Variants in RGS7 observed in about 807,000 individuals in gnomAD.
RGS7 encodes the protein regulator of G protein signaling 7, also known as regulator of G-protein signaling 7.
In RGS7, 27 loss-of-function variants were observed where a neutral mutation model predicts 81.1. The ratio of observed to expected loss-of-function variants is 0.33; its 90% CI spans 0.25 to 0.46. The LOEUF (loss-of-function observed/expected upper bound fraction) is 0.46, where lower values mean the gene tolerates loss of function less well. RGS7 is among the 20% of genes least tolerant of loss of function. The pLI is 1.00. For synonymous variants in RGS7, 208 were observed against 207.7 expected (o/e 1.00, Z -0.01); for missense variants, 396 against 607.4 (o/e 0.65, Z 3.66).
chr1:240,910,573 T>G (rs1671581515), intron 6 of RGS7, among the ~76,000 whole-genome samples: 1 of 152,144 alleles, frequency 6.6e-6, no homozygotes, highest in Non-Finnish European at 1.5e-5. Context: ...TTCAAAGAGC[T>G]AGAAAGAGGA....
intron 3 of RGS7, among the ~76,000 whole-genome samples, chr1:241,050,743 T>C (rs1364766106): frequency 6.6e-6 from 1 of 152,190 alleles, no homozygotes; most frequent in African/African-American, 2.4e-5. Context: ...ATTAAAACTG[T>C]TATGATGATC....
At chr1:241,096,077 C>T (rs1227795970) in intron 3 of RGS7, among the ~76,000 whole-genome samples, 1 of 152,186 alleles carries the variant, frequency 6.6e-6, no homozygotes, top group Non-Finnish European at 1.5e-5. Context: ...CTGCACTACC[C>T]TCCTTTCACA....
chr1:240,869,957 T>A, intron 7 of RGS7, 98 bp downstream of exon 7: 1 of 1,014,700 alleles, frequency 9.9e-7, no homozygotes. Context: ...AAGAAAAAGA[T>A]CCATGAATGA....
intron 4 of RGS7, among the ~76,000 whole-genome samples, chr1:240,961,382 T>A (rs897089782): frequency 1.3e-5 from 2 of 152,174 alleles, no homozygotes; most frequent in Non-Finnish European, 2.9e-5. Context: ...TTTGTACATA[T>A]GGATGAATAA....
chr1:241,276,631 G>A (rs775490245), intron 2 of RGS7, among the ~76,000 whole-genome samples: 7 of 152,142 alleles, frequency 4.6e-5, no homozygotes, highest in Admixed American at 2.0e-4. Flanking sequence ...CTTAGTCAAC[G>A]TCCAGACAAT....
At chr1:241,028,442 G>A (rs932754576) in intron 3 of RGS7, among the ~76,000 whole-genome samples, 1 of 152,184 alleles carries the variant, frequency 6.6e-6, no homozygotes, top group Non-Finnish European at 1.5e-5. Flanking sequence ...TGCAGTGAGG[G>A]AGGACACAGA....
At chr1:240,856,505 A>G (rs938705928) in intron 9 of RGS7, among the ~76,000 whole-genome samples, 1 of 152,148 alleles carries the variant, frequency 6.6e-6, no homozygotes, top group African/African-American at 2.4e-5. Context: ...AAATCAAAGA[A>G]ATGTACCACT....
At chr1:240,813,236 C>T (rs994018153) in intron 13 of RGS7, among the ~76,000 whole-genome samples, 1 of 152,144 alleles carries the variant, frequency 6.6e-6, no homozygotes, top group Non-Finnish European at 1.5e-5. Context: ...TAAAGACATA[C>T]TTGTGTTGGG....
At chr1:241,026,358 C>T (rs911098719) in intron 3 of RGS7, among the ~76,000 whole-genome samples, 11 of 152,210 alleles carry the variant, frequency 7.2e-5, no homozygotes, top group East Asian at 1.9e-4. Context: ...GAAGCCGAGG[C>T]GGGTGGATCA....
intron 2 of RGS7, among the ~76,000 whole-genome samples, chr1:241,107,441 A>T (rs1035394028): frequency 2.0e-5 from 3 of 152,214 alleles, no homozygotes; most frequent in Non-Finnish European, 4.4e-5. Context: ...AAAGGCTGAA[A>T]GGTGCCATAA....
intron 2 of RGS7, among the ~76,000 whole-genome samples, chr1:241,189,262 A>G (rs774571324): frequency 2.0e-5 from 3 of 152,046 alleles, no homozygotes; most frequent in Non-Finnish European, 4.4e-5. Context: ...TGTGATTTTA[A>G]TTGTTATTTC....
chr1:240,875,736 T>C (rs1333497537), intron 6 of RGS7, among the ~76,000 whole-genome samples: 1 of 152,240 alleles, frequency 6.6e-6, no homozygotes, highest in Non-Finnish European at 1.5e-5. Context: ...TTCTTACAAG[T>C]GTGAGGCAAT....
intron 2 of RGS7, among the ~76,000 whole-genome samples, chr1:241,218,952 T>G (rs566811950): frequency 1.3e-5 from 2 of 152,226 alleles, no homozygotes; most frequent in Admixed American, 1.3e-4. Context: ...TGAGAACCAT[T>G]GGCTAAGAAG....
intron 3 of RGS7, among the ~76,000 whole-genome samples, chr1:241,027,234 AAAG>A (rs2059837880): frequency 6.6e-6 from 1 of 151,906 alleles, no homozygotes; most frequent in South Asian, 2.1e-4. Context: ...AGAAAAAAAA[AAAG>A]AAGGTTCATG....
chr1:241,071,846 C>A (rs1373017803), intron 3 of RGS7, among the ~76,000 whole-genome samples: 4 of 104,674 alleles, frequency 3.8e-5, no homozygotes, highest in Non-Finnish European at 5.2e-5. Context: ...TGCACTCCAG[C>A]CTGACAGATG....
rs145685984 is a variant in RGS7 at position 240,993,234 on chromosome 1, GAGAA to G, written c.176-10109_176-10106del. Among the ~76,000 whole-genome samples, 1,008 of 149,040 alleles carry G rather than the reference GAGAA, an allele frequency of 6.8e-3. 16 individuals are homozygous for G. Among genetic ancestry groups the G allele is most frequent in the African/African-American group, 0.023 (946 of 40,466 alleles). On this transcript the variant is annotated intron_variant, in intron 3 of 18. Transcript: ENST00000440928. Reference sequence around the variant, plus strand: ...AAAAGAAAGGAAGGAAGGAAAGAAGGAGAAAGAAAGAGAGGAAAGAAAGAAAGAA... The same window carrying G: ...AAAAGAAAGGAAGGAAGGAAAGAAGGAGAAAGAGAGGAAAGAAAGAAAGAA...
At chr1:241,183,298 G>T (rs1215133175) in intron 2 of RGS7, among the ~76,000 whole-genome samples, 2 of 152,304 alleles carry the variant, frequency 1.3e-5, no homozygotes, top group African/African-American at 4.8e-5. Context: ...TTGGTTGCGT[G>T]CCTATCTATG....
At chr1:241,199,685 G>A (rs199802132) in intron 2 of RGS7, among the ~76,000 whole-genome samples, 312 of 138,046 alleles carry the variant, frequency 2.3e-3, no homozygotes, top group Non-Finnish European at 2.4e-3. Context: ...GTGGCTTCCA[G>A]AAAAAAAAAA....
intron 2 of RGS7, among the ~76,000 whole-genome samples, chr1:241,183,839 T>C (rs753849690): frequency 6.6e-6 from 1 of 152,158 alleles, no homozygotes; most frequent in African/African-American, 2.4e-5. Flanking sequence ...TCTACTTCTG[T>C]ACCGCCTTGG....
Sources: gnomAD v4.1 joint callset for allele counts (sites outside exome capture counted in the v4.1 genomes callset) on GRCh38, gnomAD v4.1.1 for gene constraint, MANE v1.5 for transcripts, NCBI Gene and HGNC (gene_info 2026-07-23, HGNC 2026-07-21) for gene names.